Variants in FHOD3 observed in about 807,000 individuals in gnomAD.
FHOD3 encodes the protein FH1/FH2 domain-containing protein 3.
In FHOD3, 90 loss-of-function variants were observed where a neutral mutation model predicts 173.0. The observed-to-expected ratio is 0.52, with a 90% CI of 0.44 to 0.62. FHOD3 has a LOEUF of 0.62. Ranked by LOEUF, FHOD3 falls within the 20% of genes least tolerant of loss-of-function variation. The pLI, the probability that FHOD3 is intolerant of heterozygous loss-of-function variation, is 0.00. For synonymous variants in FHOD3, 828 were observed against 823.0 expected, an observed-to-expected ratio of 1.01 and a Z score of -0.10; for missense variants, 1,945 against 2,034.7, an observed-to-expected ratio of 0.96 and a Z score of 0.85.
chr18:36,572,464 G>A (rs1377112050), intron 5 of FHOD3, among the ~76,000 whole-genome samples: 2 of 152,028 alleles, frequency 1.3e-5, no homozygotes, highest in African/African-American at 4.8e-5. Flanking sequence ...TTTACAGGCC[G>A]GATTGCTTTA....
chr18:36,392,134 C>T (rs370220452), intron 3 of FHOD3, among the ~76,000 whole-genome samples: 47 of 152,234 alleles, frequency 3.1e-4, no homozygotes, highest in African/African-American at 1.1e-3. Flanking sequence ...CTTGAGCAGG[C>T]GATTTCTCAC....
intron 9 of FHOD3, among the ~76,000 whole-genome samples, chr18:36,616,645 T>C (rs77200424): frequency 0.025 from 3,815 of 152,294 alleles, 167 homozygotes; most frequent in African/African-American, 0.088. Flanking sequence ...TGTACCAGCT[T>C]TAAGAACTAA....
At chr18:36,686,065 C>T (rs904569919) in intron 15 of FHOD3, among the ~76,000 whole-genome samples, 1 of 151,960 alleles carries the variant, frequency 6.6e-6, no homozygotes, top group South Asian at 2.1e-4. Flanking sequence ...AGACCTAGAA[C>T]CAGAAATGCC....
intron 6 of FHOD3, among the ~76,000 whole-genome samples, chr18:36,591,658 C>G (rs990411964): frequency 2.6e-5 from 4 of 152,182 alleles, no homozygotes; most frequent in Non-Finnish European, 4.4e-5. Context: ...TGGCTCATGC[C>G]TGAAATCCTA....
intron 14 of FHOD3, among the ~76,000 whole-genome samples, chr18:36,663,333 G>A (rs189852738): frequency 2.5e-4 from 38 of 152,280 alleles, no homozygotes; most frequent in African/African-American, 6.5e-4. Flanking sequence ...TTATGCATCG[G>A]TGTGTTCAAA....
intron 23 of FHOD3, 54 bp from the exon 24 acceptor site, chr18:36,746,891 C>A: frequency 1.4e-6 from 2 of 1,419,446 alleles, no homozygotes; most frequent in Non-Finnish European, 1.9e-6. Flanking sequence ...TCTCTCAGTT[C>A]AGGCTGGTGT....
intron 7 of FHOD3, 22 bp downstream of exon 7, chr18:36,594,920 A>T: frequency 6.6e-7 from 1 of 1,518,062 alleles, no homozygotes; most frequent in Non-Finnish European, 9.1e-7. Flanking sequence ...CTGCCCCCTT[A>T]TGTCATGAAG....
chr18:36,421,957 C>T (rs2050008086), intron 3 of FHOD3, among the ~76,000 whole-genome samples: 1 of 152,228 alleles, frequency 6.6e-6, no homozygotes, highest in Admixed American at 6.5e-5. Flanking sequence ...GATGTTTCAA[C>T]AATGTATACA....
At chr18:36,507,927 C>T (rs1212349988) in intron 4 of FHOD3, among the ~76,000 whole-genome samples, 1 of 152,182 alleles carries the variant, frequency 6.6e-6, no homozygotes. Context: ...TCAGCTTTAA[C>T]TTCTCTCACA....
intron 3 of FHOD3, among the ~76,000 whole-genome samples, chr18:36,442,676 T>C (rs372823367): frequency 1.3e-5 from 2 of 152,232 alleles, no homozygotes; most frequent in East Asian, 3.9e-4. Context: ...CTTCACTCAG[T>C]TTCCCCAAAT....
chr18:36,646,016 G>T (rs955879156), intron 10 of FHOD3, among the ~76,000 whole-genome samples: 25 of 152,096 alleles, frequency 1.6e-4, no homozygotes, highest in African/African-American at 6.0e-4. Context: ...AACAAGAAAA[G>T]GAAGCATCAC....
intron 24 of FHOD3, among the ~76,000 whole-genome samples, chr18:36,750,025 C>A (rs2042335794): frequency 6.6e-6 from 1 of 151,970 alleles, no homozygotes; most frequent in Non-Finnish European, 1.5e-5. Context: ...CATGGTGGCT[C>A]ACGCCTGTAA....
At chr18:36,691,341 C>G (rs1217389055) in intron 16 of FHOD3, among the ~76,000 whole-genome samples, 2 of 152,224 alleles carry the variant, frequency 1.3e-5, no homozygotes, top group Non-Finnish European at 2.9e-5. Context: ...TGTCCAGATT[C>G]TCTTATTTGC....
chr18:36,690,755 A>G (rs1365913343), intron 16 of FHOD3, among the ~76,000 whole-genome samples: 2 of 152,138 alleles, frequency 1.3e-5, no homozygotes, highest in African/African-American at 2.4e-5. Flanking sequence ...TTTAATTATG[A>G]TCAAATGCAC....
At chr18:36,678,554 A>C (rs2038025936) in intron 14 of FHOD3, among the ~76,000 whole-genome samples, 1 of 118,130 alleles carries the variant, frequency 8.5e-6, no homozygotes. Context: ...AAAAAGAAGA[A>C]AGAAAGAAAG....
At chr18:36,630,305 A>G (rs1174126483) in intron 10 of FHOD3, among the ~76,000 whole-genome samples, 1 of 152,216 alleles carries the variant, frequency 6.6e-6, no homozygotes, top group Non-Finnish European at 1.5e-5. Context: ...GATTCCTTAA[A>G]TGAGATATGA....
chr18:36,533,384 G>A lies in FHOD3; in HGVS notation c.511+20841G>A, dbSNP rs1385715424. On this transcript the variant is annotated intron_variant, in intron 5 of 28. Transcript: ENST00000590592. ...GGGCTGGGACAGAGAAGGTTGTGCT[G>A]GCCAGGTCCTAGAGGCCTTCCTCTG... Among the ~76,000 whole-genome samples, 6 of 152,208 alleles carry A rather than the reference G, an allele frequency of 3.9e-5. No individual in the cohort carries two copies. The East Asian group carries it at 1.2e-3, about 29-fold the overall frequency.
intron 5 of FHOD3, among the ~76,000 whole-genome samples, chr18:36,546,563 C>A (rs2057416951): frequency 6.6e-6 from 1 of 152,084 alleles, no homozygotes; most frequent in Non-Finnish European, 1.5e-5. Flanking sequence ...CTAGGAAGTT[C>A]CCCTTGTTCC....
intron 3 of FHOD3, among the ~76,000 whole-genome samples, chr18:36,416,390 G>A (rs1396315265): frequency 2.0e-5 from 3 of 152,144 alleles, no homozygotes; most frequent in Admixed American, 6.5e-5. Context: ...TGGCTTGAAC[G>A]TTATTTAGGA....
Sources: gnomAD v4.1 joint callset for allele counts (sites outside exome capture counted in the v4.1 genomes callset) on GRCh38, gnomAD v4.1.1 for gene constraint, MANE v1.5 for transcripts, NCBI Gene and HGNC (gene_info 2026-07-23, HGNC 2026-07-21) for gene names.